PGCKA1: variants seen among roughly 807,000 people sequenced by gnomAD.
PGCKA1 encodes the protein PDCD10 and GCKIII kinases-associated protein 1.
the PGCKA1 span, among the ~76,000 whole-genome samples, chr4:37,556,264 G>GTTTTGTTT: frequency 0.069 from 8,165 of 118,220 alleles, 238 homozygotes; most frequent in Middle Eastern, 0.11. Flanking sequence ...TTTTTGTTTT[G>GTTTTGTTT]TTTTGTTTTT....
At chr4:37,454,903 C>T in the PGCKA1 span, among the ~76,000 whole-genome samples, 1 of 152,180 alleles carries the variant, frequency 6.6e-6, no homozygotes, top group Non-Finnish European at 1.5e-5. Context: ...GATACCTGCC[C>T]CATGATGGAT....
chr4:37,573,888 C>G, the PGCKA1 span, among the ~76,000 whole-genome samples: 1 of 152,160 alleles, frequency 6.6e-6, no homozygotes, highest in Non-Finnish European at 1.5e-5. Flanking sequence ...ATCAAGTATA[C>G]ATTTTAACAA....
chr4:37,480,014 G>A, the PGCKA1 span, among the ~76,000 whole-genome samples: 1 of 152,208 alleles, frequency 6.6e-6, no homozygotes, highest in Non-Finnish European at 1.5e-5. Context: ...GTTAGGCAAT[G>A]TTACAGTTCA....
At chr4:37,473,334 T>A in the PGCKA1 span, among the ~76,000 whole-genome samples, 1 of 152,196 alleles carries the variant, frequency 6.6e-6, no homozygotes, top group Non-Finnish European at 1.5e-5. Context: ...TTTAAGATAA[T>A]GTGTTAATAT....
the PGCKA1 span, chr4:37,590,377 C>G: frequency 6.2e-7 from 1 of 1,613,900 alleles, no homozygotes; most frequent in South Asian, 1.1e-5. Context: ...TGCCACTCCA[C>G]AGCCCACTGG....
At chr4:37,474,854 A>G in the PGCKA1 span, among the ~76,000 whole-genome samples, 1 of 152,178 alleles carries the variant, frequency 6.6e-6, no homozygotes, top group Non-Finnish European at 1.5e-5. Flanking sequence ...CCTCTGACTG[A>G]TGTTTTTATG....
the PGCKA1 span, among the ~76,000 whole-genome samples, chr4:37,454,256 G>A: frequency 1.2e-4 from 18 of 152,178 alleles, no homozygotes; most frequent in African/African-American, 4.3e-4. Flanking sequence ...CTCTAAAAGG[G>A]GCAAAACTCG....
the PGCKA1 span, among the ~76,000 whole-genome samples, chr4:37,560,582 C>T: frequency 1.4e-4 from 21 of 152,194 alleles, no homozygotes; most frequent in African/African-American, 3.6e-4. Flanking sequence ...CTCCACCACA[C>T]ACCATTCCAA....
the PGCKA1 span, among the ~76,000 whole-genome samples, chr4:37,460,012 G>T: frequency 3.1e-3 from 470 of 152,058 alleles, 9 homozygotes; most frequent in Admixed American, 0.028. Flanking sequence ...TACAGCCCCG[G>T]TGTGTGTTGT....
chr4:37,459,591 A>G, the PGCKA1 span, among the ~76,000 whole-genome samples: 1 of 152,290 alleles, frequency 6.6e-6, no homozygotes, highest in South Asian at 2.1e-4. Flanking sequence ...AGTGAGGTCC[A>G]TGGACCAGCA....
chr4:37,482,488 C>T, the PGCKA1 span, among the ~76,000 whole-genome samples: 1 of 152,136 alleles, frequency 6.6e-6, no homozygotes, highest in African/African-American at 2.4e-5. Flanking sequence ...TTTAGAGTAT[C>T]TGGCAGAAGA....
At chr4:37,543,222 C>T in the PGCKA1 span, among the ~76,000 whole-genome samples, 1 of 152,126 alleles carries the variant, frequency 6.6e-6, no homozygotes, top group African/African-American at 2.4e-5. Context: ...CCATAATAGG[C>T]ATCATCTTCC....
the PGCKA1 span, among the ~76,000 whole-genome samples, chr4:37,564,288 AAAG>A: frequency 0.41 from 50,671 of 124,020 alleles, 10,005 homozygotes; most frequent in East Asian, 0.54. Flanking sequence ...AAAAAAAAAA[AAAG>A]AAAGAAAAAA....
chr4:37,564,663 T>A, the PGCKA1 span, among the ~76,000 whole-genome samples: 1 of 152,002 alleles, frequency 6.6e-6, no homozygotes, highest in Non-Finnish European at 1.5e-5. Flanking sequence ...TCTGCCACCA[T>A]GACCAGCTAT....
At chr4:37,533,955 G>A in the PGCKA1 span, among the ~76,000 whole-genome samples, 3 of 152,222 alleles carry the variant, frequency 2.0e-5, no homozygotes, top group South Asian at 2.1e-4. Context: ...TTCTTAGGAT[G>A]TCCATTTTAC....
At chr4:37,571,824 G>T in the PGCKA1 span, among the ~76,000 whole-genome samples, 1 of 151,914 alleles carries the variant, frequency 6.6e-6, no homozygotes, top group Admixed American at 6.6e-5. Context: ...TAGAAACAGG[G>T]TTTCACCATG....
chr4:37,588,836 T>G, the PGCKA1 span: 1 of 1,604,898 alleles, frequency 6.2e-7, no homozygotes, highest in African/African-American at 1.3e-5. Context: ...TTTTACGCTT[T>G]CTTTTCCAGG....
chr4:37,581,485 T>C, the PGCKA1 span, among the ~76,000 whole-genome samples: 1 of 152,198 alleles, frequency 6.6e-6, no homozygotes, highest in African/African-American at 2.4e-5. This position sits in a 1 kb window ranked among gnomAD's most constrained non-coding sequence, Gnocchi z 4.4. Flanking sequence ...TGGTCCTTCC[T>C]TTCAAGGAAG....
At chr4:37,531,809 G>A in the PGCKA1 span, among the ~76,000 whole-genome samples, 68,876 of 148,800 alleles carry the variant, frequency 0.46, 16,012 homozygotes, top group Non-Finnish European at 0.49. Context: ...GGAGAATGAC[G>A]TGAACCCGGG....
Sources: gnomAD v4.1 joint callset for allele counts (sites outside exome capture counted in the v4.1 genomes callset) on GRCh38, gnomAD v4.1.1 for gene constraint, Gnocchi (gnomAD v3.1) non-coding constraint, MANE v1.5 for transcripts, NCBI Gene and HGNC (gene_info 2026-07-23, HGNC 2026-07-21) for gene names.